The following CD33 variants were observed in gnomAD, a reference collection of about 807,000 sequenced individuals.
The protein encoded by CD33 is CD33 molecule.
Under a neutral mutation model 31.4 loss-of-function variants are expected in CD33, and 25 were observed. The observed-to-expected ratio is 0.80, with a 90% CI of 0.58 to 1.11. CD33 has a LOEUF of 1.11. Ranked by LOEUF, CD33 falls within the 50% of genes most tolerant of loss-of-function variation. The pLI is 0.00. For synonymous variants in CD33, 176 were observed against 180.6 expected, an observed-to-expected ratio of 0.97 and a Z score of 0.20; for missense variants, 407 against 448.1, an observed-to-expected ratio of 0.91 and a Z score of 0.83.
In CD33 at chr19:51,234,495, C is replaced by T. The variant is rs144722679; in HGVS notation, c.746-662C>T. Among the ~76,000 whole-genome samples the T allele has an allele frequency of 2.2e-3, 330 of 152,312 alleles. 8 individuals carry two copies. Among genetic ancestry groups the T allele is most frequent in the Admixed American group, 0.02 (302 of 15,294 alleles). The stretch of plus-strand genomic sequence containing the variant: ...CTCTGTCCAAAGACCAGTGCTCTCT[C>T]CACTGCCCTATTCCAATTAATAATG... On this transcript the variant is annotated intron_variant, in intron 4 of 6. Coordinates refer to ENST00000262262, the MANE Select transcript of CD33 (RefSeq NM_001772.4).
At position 51,225,168 on chromosome 19, in the gene CD33, G is replaced by T. The variant is rs367818620; in HGVS notation, c.37+13G>T. 1.7e-5 allele frequency: 27 copies of T among 1,613,916 alleles called. No homozygotes were observed. The highest frequency in any genetic ancestry group is 1.1e-4 in the African/African-American group (8 of 75,046). The stretch of plus-strand genomic sequence containing the variant: ...CTGCTGTGGGCAGGTGAGTGGCTGT[G>T]GGGAGAGGGGTTGTCGGGCTGGGCC... On this transcript the variant is annotated intron_variant, in intron 1 of 6. Coordinates refer to ENST00000262262, the MANE Select transcript of CD33 (RefSeq NM_001772.4).
chr19:51,226,517 C>A (rs992368830), intron 4 of CD33, among the ~76,000 whole-genome samples, 161 bp downstream of exon 4: 1 of 152,158 alleles, frequency 6.6e-6, no homozygotes, highest in Non-Finnish European at 1.5e-5. Context: ...GGATGACTAG[C>A]AACTTCCCCC....
chr19:51,229,117 C>T (rs939325551), intron 4 of CD33, among the ~76,000 whole-genome samples: 1 of 152,112 alleles, frequency 6.6e-6, no homozygotes, highest in Non-Finnish European at 1.5e-5. Flanking sequence ...TGAATTTTAA[C>T]ACATGCTTTT....
At chr19:51,219,645 G>T in the CD33 span, among the ~76,000 whole-genome samples, 1 of 152,292 alleles carries the variant, frequency 6.6e-6, no homozygotes, top group East Asian at 1.9e-4. Context: ...CTTTCAGTAT[G>T]ATGTTGGCTG....
the CD33 span, among the ~76,000 whole-genome samples, chr19:51,217,855 G>C: frequency 6.6e-6 from 1 of 152,258 alleles, no homozygotes; most frequent in East Asian, 1.9e-4. Flanking sequence ...CAACCATGTT[G>C]CTTGAAAAGA....
intron 3 of CD33, 46 bp downstream of exon 3, chr19:51,226,127 G>A (rs1427453975): frequency 1.3e-6 from 2 of 1,599,126 alleles, no homozygotes; most frequent in African/African-American, 2.7e-5. Context: ...GTGTAGGGGA[G>A]ACAGGATGGG....
At chr19:51,233,816 G>C (rs557466524) in intron 4 of CD33, among the ~76,000 whole-genome samples, 2 of 152,220 alleles carry the variant, frequency 1.3e-5, no homozygotes, top group Admixed American at 6.5e-5. Flanking sequence ...GGGCTGGGGA[G>C]ATGGAGCTGC....
upstream of CD33, among the ~76,000 whole-genome samples, chr19:51,220,940 G>A (rs1488099933): frequency 1.3e-5 from 2 of 152,084 alleles, no homozygotes; most frequent in African/African-American, 4.8e-5. Context: ...CTGAATATAG[G>A]TATCTGATGA....
chr19:51,212,209 GTC>G, the CD33 span: 2 of 349,676 alleles, frequency 5.7e-6, no homozygotes, highest in South Asian at 2.5e-5. Flanking sequence ...CACAAGCCCT[GTC>G]TCTCTACATT....
chr19:51,213,702 A>AT, the CD33 span, among the ~76,000 whole-genome samples: 1,820 of 137,528 alleles, frequency 0.013, 10 homozygotes, highest in African/African-American at 0.017. Context: ...ATGCCTGGCT[A>AT]TTTTTTTTTT....
upstream of CD33, among the ~76,000 whole-genome samples, chr19:51,220,625 T>C (rs1171169544): frequency 6.6e-6 from 1 of 152,198 alleles, no homozygotes; most frequent in Non-Finnish European, 1.5e-5. Flanking sequence ...CTGGTCAAGA[T>C]CATTAATTTA....
chr19:51,227,476 T>C (rs566675140), intron 4 of CD33, among the ~76,000 whole-genome samples: 1 of 152,224 alleles, frequency 6.6e-6, no homozygotes, highest in Non-Finnish European at 1.5e-5. Flanking sequence ...ATTGGTGACG[T>C]TGAGCATTTT....
intron 6 of CD33, chr19:51,236,311 G>A (rs1401668811): frequency 2.1e-5 from 4 of 190,596 alleles, no homozygotes; most frequent in Non-Finnish European, 3.3e-5. Context: ...TCATGGAAAA[G>A]AATGGGCAAG....
intron 6 of CD33, 145 bp from the exon 7 acceptor site, chr19:51,239,373 C>G (rs1266621720): frequency 1.0e-5 from 6 of 573,922 alleles, no homozygotes; most frequent in Non-Finnish European, 1.8e-5. Flanking sequence ...ATAAGTAGAG[C>G]CTTAATTAAT....
chr19:51,216,513 G>T, the CD33 span, among the ~76,000 whole-genome samples: 10 of 151,732 alleles, frequency 6.6e-5, no homozygotes, highest in Admixed American at 3.3e-4. Flanking sequence ...GTTCGAGACC[G>T]GCCTGACCAA....
the CD33 span, among the ~76,000 whole-genome samples, chr19:51,217,069 C>T: frequency 1.0e-3 from 154 of 152,304 alleles, 2 homozygotes; most frequent in African/African-American, 3.6e-3. Context: ...GCAGGCCACA[C>T]AGGAACCTAG....
the CD33 span, chr19:51,212,078 C>G: frequency 6.8e-6 from 5 of 730,074 alleles, no homozygotes; most frequent in African/African-American, 7.2e-5. Context: ...CCTGTGAGTG[C>G]TGGGCCAGGA....
Position 51,232,572 on chromosome 19 carries a change from G to A in CD33, c.746-2585G>A, listed in dbSNP as rs144729850. Among the ~76,000 whole-genome samples the A allele has an allele frequency of 8.5e-5, 13 of 152,266 alleles. No homozygotes were observed. The East Asian group carries it at 2.3e-3, about 27-fold the overall frequency. ...TGCTTGATTGTGTCCCATGAGTCCT[G>A]TAGGTTTCCTTCGTTCTATTTTATT... On this transcript the variant is annotated intron_variant, in intron 4 of 6. Coordinates refer to ENST00000262262, the MANE Select transcript of CD33 (RefSeq NM_001772.4).
rs756606852 is a variant in CD33, at chr19:51,225,873, C to T, written c.489C>T (p.Cys163=). 183 of 1,613,986 alleles carry T rather than the reference C, an allele frequency of 1.1e-4. 3 individuals are homozygous for T. The Admixed American group carries it at 3.0e-3, about 27-fold the overall frequency. ...LEPGHSKNLT[C]SVSWACEQGT... ...CCGGCCACTCCAAAAACCTGACCTG[C>T]TCTGTGTCCTGGGCCTGTGAGCAGG... Residue 163 remains cysteine, a synonymous_variant, in exon 3 of 7, where the codon TGC becomes TGT. Coordinates refer to ENST00000262262, the MANE Select transcript of CD33 (RefSeq NM_001772.4).
Sources: gnomAD v4.1 joint callset for allele counts (sites outside exome capture counted in the v4.1 genomes callset) on GRCh38, gnomAD v4.1.1 for gene constraint, MANE v1.5 for transcripts, NCBI Gene and HGNC (gene_info 2026-07-23, HGNC 2026-07-21) for gene names.